Variants in NLRP14 observed in about 807,000 individuals in gnomAD.
NLRP14 encodes the protein NACHT, LRR and PYD domains-containing protein 14.
Under a neutral mutation model 94.7 loss-of-function variants are expected in NLRP14, and 105 were observed. The observed-to-expected ratio is 1.11, with a 90% confidence interval of 0.95 to 1.30. The LOEUF (loss-of-function observed/expected upper bound fraction) is 1.30, where lower values mean the gene tolerates loss of function less well. Ranked by LOEUF, NLRP14 falls within the 50% of genes most tolerant of loss-of-function variation. The probability of loss-of-function intolerance (pLI) is 0.00; values close to 1 mark genes in which losing one functional copy is unlikely to be tolerated. For synonymous variants in NLRP14, 508 were observed against 459.9 expected, an observed-to-expected ratio of 1.10 and a Z score of -1.34; for missense variants, 1,362 against 1,254.1, an observed-to-expected ratio of 1.09 and a Z score of -1.30.
At chr11:7,067,725 C>T (rs1222379347) in intron 10 of NLRP14, among the ~76,000 whole-genome samples, 1 of 152,152 alleles carries the variant, frequency 6.6e-6, no homozygotes, top group Non-Finnish European at 1.5e-5. Context: ...TTAGTGACAG[C>T]ATTTAACCAT....
chr11:7,058,184 A>G (rs1589869430), intron 7 of NLRP14, 96 bp from the exon 8 acceptor site: 1 of 967,522 alleles, frequency 1.0e-6, no homozygotes. Flanking sequence ...TAGTTGAGGT[A>G]TGGGGGTTAT....
chr11:7,038,973 C>A, intron 2 of NLRP14, 98 bp downstream of exon 2: 3 of 1,168,174 alleles, frequency 2.6e-6, no homozygotes, highest in Non-Finnish European at 3.6e-6. Flanking sequence ...GGGATTAAAC[C>A]ATGTTGGGGG....
chr11:7,043,219 C>G lies in NLRP14; in HGVS notation c.1193C>G (p.Ala398Gly), dbSNP rs1207501906. Residue 398 changes from alanine to glycine, a missense_variant, in exon 4 of 12, where the codon GCT (alanine) becomes GGT (glycine). Coordinates refer to ENST00000299481, the MANE Select transcript of NLRP14 (RefSeq NM_176822.4). ...DVTLTCQTTT[A>G]LFTCYISSLF... The stretch of plus-strand genomic sequence containing the variant: ...ACATTGACCTGCCAAACAACCACAG[C>G]TCTGTTTACCTGCTATATTTCTAGC... The G allele has an allele frequency of 1.2e-6, 2 of 1,614,164 alleles. No individual in the cohort carries two copies. Among genetic ancestry groups the G allele is most frequent in the South Asian group, 2.2e-5 (2 of 91,080 alleles).
intron 9 of NLRP14, 62 bp downstream of exon 9, chr11:7,060,126 G>C (rs1262959303): frequency 7.1e-7 from 1 of 1,399,634 alleles, no homozygotes; most frequent in African/African-American, 1.4e-5. Flanking sequence ...GGGAGATACT[G>C]AAAGAAAGGC....
rs772883119 is a variant in NLRP14, at chr11:7,042,914, G to C, written c.888G>C (p.Val296=). ...SFLMSSLLRK[V]MLPEASLLVT... ...TCATGAGTAGTTTGCTGAGGAAAGT[G>C]ATGCTCCCTGAGGCATCCTTATTGG... The change falls in exon 4 of 12, where the codon GTG becomes GTC. Residue 296 remains valine (V), a synonymous_variant. Coordinates refer to ENST00000299481, the MANE Select transcript of NLRP14 (RefSeq NM_176822.4). The C allele has an allele frequency of 6.2e-7, 1 of 1,614,164 alleles. No individual in the cohort carries two copies. The highest frequency in any genetic ancestry group is 1.7e-5 in the Admixed American group (1 of 60,028).
intron 6 of NLRP14, 36 bp from the exon 7 acceptor site, chr11:7,057,641 G>A (rs1318034896): frequency 6.3e-7 from 1 of 1,589,376 alleles, no homozygotes; most frequent in Non-Finnish European, 8.6e-7. Flanking sequence ...ATTCTCTAAG[G>A]AGTGGTCATT....
chr11:7,027,302 A>C (rs1852029963), intron 1 of NLRP14, among the ~76,000 whole-genome samples: 1 of 152,018 alleles, frequency 6.6e-6, no homozygotes, highest in African/African-American at 2.4e-5. Context: ...ACAATGACAG[A>C]AACTCACAGT....
chr11:7,089,902 A>T, the NLRP14 span: 1 of 1,612,748 alleles, frequency 6.2e-7, no homozygotes, highest in African/African-American at 1.3e-5. Context: ...AGCGACCGAG[A>T]CGGCTACGGA....
chr11:7,058,681 A>G (rs568435516), intron 8 of NLRP14, among the ~76,000 whole-genome samples: 33 of 152,022 alleles, frequency 2.2e-4, no homozygotes, highest in African/African-American at 7.7e-4. Flanking sequence ...CAAATTGACC[A>G]CCCAATTTTG....
At chr11:7,047,160 T>A (rs1852367889) in intron 5 of NLRP14, among the ~76,000 whole-genome samples, 1 of 152,178 alleles carries the variant, frequency 6.6e-6, no homozygotes. Context: ...TCCTCTTAAA[T>A]TTTTTTCTAT....
intron 10 of NLRP14, among the ~76,000 whole-genome samples, chr11:7,067,899 A>G (rs1471373618): frequency 1.3e-5 from 2 of 152,034 alleles, no homozygotes; most frequent in Non-Finnish European, 2.9e-5. Flanking sequence ...CTTTGTAACA[A>G]TTTCTGGTGA....
At chr11:7,021,493 C>T (rs758717329) in intron 1 of NLRP14, among the ~76,000 whole-genome samples, 8 of 152,146 alleles carry the variant, frequency 5.3e-5, no homozygotes, top group Non-Finnish European at 8.8e-5. Flanking sequence ...CATAGCATAG[C>T]ATTTTAAAAA....
chr11:7,045,567 T>G (rs1382288223), intron 4 of NLRP14, among the ~76,000 whole-genome samples: 1 of 152,158 alleles, frequency 6.6e-6, no homozygotes, highest in Non-Finnish European at 1.5e-5. Flanking sequence ...GAGGAAACAC[T>G]TGAATGCTTG....
intron 10 of NLRP14, among the ~76,000 whole-genome samples, chr11:7,065,465 G>T (rs1852690630): frequency 6.6e-6 from 1 of 151,820 alleles, no homozygotes; most frequent in Non-Finnish European, 1.5e-5. Flanking sequence ...GTATTTTTTA[G>T]GTATACAATC....
In NLRP14 at chr11:7,043,928, T is replaced by A; in HGVS notation, c.1902T>A (p.Ser634=). 2 of 1,614,184 alleles carry A rather than the reference T, an allele frequency of 1.2e-6. No homozygotes were observed. The highest frequency in any genetic ancestry group is 1.7e-6 in the Non-Finnish European group (2 of 1,180,002). The change falls in exon 4 of 12, where the codon TCT becomes TCA. Residue 634 remains serine (S), a synonymous_variant. Coordinates refer to ENST00000299481, the MANE Select transcript of NLRP14 (RefSeq NM_176822.4). ...GGTGTTTGCGGACCATCAGGCTGTC[T>A]GTAACTGTGGTATTTGAGAAGAAGA... The part of the protein sequence containing the change: ...HCRCLRTIRL[S]VTVVFEKKIL...
chr11:7,062,356 A>C lies in NLRP14; in HGVS notation c.2828A>C (p.Asn943Thr). Residue 943 changes from asparagine (N) to threonine (T), a missense_variant, in exon 10 of 12, where the codon AAT becomes ACT. Asn to Thr is a moderately conservative substitution (Grantham distance 65). Coordinates refer to ENST00000299481, the MANE Select transcript of NLRP14 (RefSeq NM_176822.4). The stretch of plus-strand genomic sequence containing the variant: ...AGATTGATGGGCTGTGTTCTCACTA[A>C]TGCATGTTGTCTGGATCTGGCTTCT... The part of the protein sequence containing the change: ...DLELMGCVLT[N>T]ACCLDLASVI... The C allele has an allele frequency of 6.2e-7, 1 of 1,613,014 alleles. No individual in the cohort carries two copies. The highest frequency in any genetic ancestry group is 8.5e-7 in the Non-Finnish European group (1 of 1,179,232).
chr11:7,090,302 AGG>A, the NLRP14 span: 1 of 1,590,384 alleles, frequency 6.3e-7, no homozygotes, highest in East Asian at 2.3e-5. Flanking sequence ...GATACTAAGC[AGG>A]AACAGACTTG....
At chr11:7,079,315 C>G in the NLRP14 span, among the ~76,000 whole-genome samples, 1 of 152,176 alleles carries the variant, frequency 6.6e-6, no homozygotes, top group East Asian at 1.9e-4. Context: ...AGAATGCCCC[C>G]TCTTTGCCTG....
At chr11:7,089,298 G>A in the NLRP14 span, 8 of 1,606,618 alleles carry the variant, frequency 5.0e-6, no homozygotes, top group Admixed American at 1.7e-5. Flanking sequence ...TGAAAGCCCC[G>A]CAGACGCCAA....
Sources: allele counts gnomAD v4.1 joint callset (sites outside exome capture counted in the v4.1 genomes callset), GRCh38; gene constraint gnomAD v4.1.1; transcripts MANE v1.5; gene names NCBI Gene and HGNC (gene_info 2026-07-23, HGNC 2026-07-21).